PLCG2: variants seen among roughly 807,000 people sequenced by gnomAD.
The protein encoded by PLCG2 is 1-phosphatidylinositol 4,5-bisphosphate phosphodiesterase gamma-2.
In PLCG2, 69 loss-of-function variants were observed where a neutral mutation model predicts 175.6. The ratio of observed to expected loss-of-function variants is 0.39; its 90% CI spans 0.32 to 0.48. PLCG2 has a LOEUF of 0.48. PLCG2 is among the 20% of genes least tolerant of loss of function. PLCG2 has a pLI of 0.91. For synonymous variants in PLCG2, 827 were observed against 624.0 expected (o/e 1.33, Z -4.85); for missense variants, 1,798 against 1,650.9 (o/e 1.09, Z -1.54).
At chr16:81,834,419 A>T (rs1000863842) in intron 2 of PLCG2, among the ~76,000 whole-genome samples, 1 of 152,176 alleles carries the variant, frequency 6.6e-6, no homozygotes, top group Non-Finnish European at 1.5e-5. Context: ...CTGGGCCTGC[A>T]GCTAGACTGG....
intron 2 of PLCG2, among the ~76,000 whole-genome samples, chr16:81,769,142 G>A (rs1278750059): frequency 6.6e-6 from 1 of 152,214 alleles, no homozygotes. Flanking sequence ...CAGATGCCAT[G>A]TGAGTTTCTC....
chr16:81,871,280 GTTATTA>G, intron 7 of PLCG2, among the ~76,000 whole-genome samples: 1 of 152,290 alleles, frequency 6.6e-6, no homozygotes, highest in Non-Finnish European at 1.5e-5. Context: ...GCAAATGGCT[GTTATTA>G]TTAATAGCCA....
At chr16:81,795,737 T>G (rs1396763565) in intron 2 of PLCG2, among the ~76,000 whole-genome samples, 1 of 152,100 alleles carries the variant, frequency 6.6e-6, no homozygotes, top group South Asian at 2.1e-4. Context: ...GTCTTGCTTA[T>G]TGCCCAGGCT....
At chr16:81,778,609 T>C (rs2143137010), upstream of PLCG2, among the ~76,000 whole-genome samples, 1 of 152,318 alleles carries the variant, frequency 6.6e-6, no homozygotes, top group East Asian at 1.9e-4. Context: ...TCTGGGGTTC[T>C]TTGCTCCTGA....
intron 2 of PLCG2, among the ~76,000 whole-genome samples, chr16:81,839,711 TACC>T (rs1224169485): frequency 6.6e-6 from 1 of 152,220 alleles, no homozygotes; most frequent in African/African-American, 2.4e-5. Context: ...TAAATTTAAT[TACC>T]AGCAGGAGGG....
chr16:81,766,335 C>T (rs935870827), intron 2 of PLCG2, among the ~76,000 whole-genome samples: 12 of 152,190 alleles, frequency 7.9e-5, no homozygotes, highest in Non-Finnish European at 1.6e-4. Context: ...CACAGGTGGA[C>T]ACCTGGCTGT....
intron 7 of PLCG2, among the ~76,000 whole-genome samples, chr16:81,878,893 AG>A (rs1167642953): frequency 6.6e-6 from 1 of 151,914 alleles, no homozygotes; most frequent in Non-Finnish European, 1.5e-5. Context: ...TCTGCGTCCC[AG>A]GGGCCAATTC....
intron 9 of PLCG2, among the ~76,000 whole-genome samples, chr16:81,884,601 C>CTG (rs34497020): frequency 0.42 from 63,671 of 150,326 alleles, 14,040 homozygotes; most frequent in East Asian, 0.66. Flanking sequence ...TTGTATGGAT[C>CTG]TGTGTGTGTG....
chr16:81,846,261 G>A (rs1376341973), intron 2 of PLCG2, among the ~76,000 whole-genome samples: 1 of 152,108 alleles, frequency 6.6e-6, no homozygotes, highest in African/African-American at 2.4e-5. Flanking sequence ...TCCTTCAGGA[G>A]GACCTACTTT....
chr16:81,824,738 T>C (rs1421716764), intron 2 of PLCG2, among the ~76,000 whole-genome samples: 1 of 152,176 alleles, frequency 6.6e-6, no homozygotes, highest in East Asian at 1.9e-4. Context: ...CCCCATGATG[T>C]CACCTTTCAT....
intron 18 of PLCG2, among the ~76,000 whole-genome samples, 172 bp downstream of exon 18, chr16:81,910,892 C>A (rs2143658635): frequency 6.6e-6 from 1 of 152,326 alleles, no homozygotes; most frequent in Non-Finnish European, 1.5e-5. Flanking sequence ...GGCACCATGA[C>A]CTGTGTCCTT....
At chr16:81,946,050 C>T (rs1208351320) in intron 30 of PLCG2, 125 bp from the exon 31 acceptor site, 2 of 734,158 alleles carry the variant, frequency 2.7e-6, no homozygotes, top group Non-Finnish European at 2.5e-6. Flanking sequence ...AGTCAGCCCC[C>T]AGCATGGGGC....
At chr16:81,739,802 G>T (rs956308574) in intron 1 of PLCG2, 1 of 152,240 alleles carries the variant, frequency 6.6e-6, no homozygotes, top group Non-Finnish European at 1.5e-5. Context: ...CACCTACTCC[G>T]TAGGGTTGTT....
intron 7 of PLCG2, among the ~76,000 whole-genome samples, chr16:81,875,738 T>TA (rs1293684846): frequency 1.3e-5 from 2 of 152,154 alleles, no homozygotes; most frequent in African/African-American, 4.8e-5. Context: ...CATTCTTACA[T>TA]AAAAATAGAA....
rs1555505879 is a variant in PLCG2 at position 81,781,383 on chromosome 16, G to GT, written c.-48+1959_-48+1960insT. Among the ~76,000 whole-genome samples the GT allele has an allele frequency of 1.1e-3, 164 of 151,082 alleles. 1 individual carries two copies. Among genetic ancestry groups the GT allele is most frequent in the Admixed American group, 2.8e-3 (42 of 15,212 alleles). The stretch of plus-strand genomic sequence containing the variant: ...ATGTGCACCATTATTTATCCAGGAG[G>GT]CCCCCCACATTGATGAGCAGTTGTT... On this transcript the variant is annotated intron_variant, in intron 1 of 32. Transcript: ENST00000564138.
chr16:81,804,925 A>G (rs1276463157), intron 2 of PLCG2, among the ~76,000 whole-genome samples: 2 of 152,204 alleles, frequency 1.3e-5, no homozygotes, highest in East Asian at 3.8e-4. Context: ...GCTCACATGT[A>G]TCCATGTGAT....
intron 2 of PLCG2, among the ~76,000 whole-genome samples, chr16:81,765,095 C>A (rs536099259): frequency 7.9e-5 from 12 of 151,980 alleles, no homozygotes; most frequent in African/African-American, 2.9e-4. Flanking sequence ...ACTGTCCCCC[C>A]ACAAAAAAAA....
intron 2 of PLCG2, among the ~76,000 whole-genome samples, chr16:81,809,368 A>T (rs1280084932): frequency 6.6e-6 from 1 of 152,168 alleles, no homozygotes; most frequent in Non-Finnish European, 1.5e-5. Flanking sequence ...ACCCTCAGTC[A>T]GGACACTCCT....
At chr16:81,894,801 AG>A (rs2143612457) in intron 12 of PLCG2, among the ~76,000 whole-genome samples, 1 of 152,176 alleles carries the variant, frequency 6.6e-6, no homozygotes, top group Non-Finnish European at 1.5e-5. Context: ...TGAGCCTGGG[AG>A]GCAGAGGTTG....
Sources: gnomAD v4.1 joint callset for allele counts (sites outside exome capture counted in the v4.1 genomes callset) on GRCh38, gnomAD v4.1.1 for gene constraint, MANE v1.5 for transcripts, NCBI Gene and HGNC (gene_info 2026-07-23, HGNC 2026-07-21) for gene names.